COL4A4: variants seen among roughly 807,000 people sequenced by gnomAD.
COL4A4 encodes the protein collagen alpha-4(IV) chain.
A neutral mutation model predicts 192.9 loss-of-function variants in COL4A4; 105 were observed. The ratio of observed to expected loss-of-function variants is 0.54; its 90% CI spans 0.46 to 0.64. The LOEUF (loss-of-function observed/expected upper bound fraction) is 0.64, where lower values mean the gene tolerates loss of function less well. Among genes scored for constraint, COL4A4 ranks in the 30% least tolerant of loss-of-function variants. The probability of loss-of-function intolerance (pLI) is 0.00; values close to 1 mark genes in which losing one functional copy is unlikely to be tolerated. For missense variants in COL4A4, 1,967 were observed against 2,169.3 expected, an observed-to-expected ratio of 0.91 and a Z score of 1.85; for synonymous variants, 762 against 769.9, an observed-to-expected ratio of 0.99 and a Z score of 0.17.
the COL4A4 span, chr2:226,988,199 C>T: frequency 2.6e-6 from 2 of 767,040 alleles, no homozygotes; most frequent in African/African-American, 1.8e-5. Flanking sequence ...GTAATTAAAA[C>T]TTACCCAAAG....
chr2:227,037,794 A>G (rs1362966417), intron 37 of COL4A4, among the ~76,000 whole-genome samples: 1 of 152,042 alleles, frequency 6.6e-6, no homozygotes. Flanking sequence ...TGGCAATGAG[A>G]TGGTATCTCA....
At chr2:227,137,634 G>T (rs923552830) in intron 4 of COL4A4, among the ~76,000 whole-genome samples, 4 of 152,118 alleles carry the variant, frequency 2.6e-5, no homozygotes, top group African/African-American at 4.8e-5. Flanking sequence ...AGCACTTCTG[G>T]TCTCTACTTG....
At chr2:227,011,672 C>T (rs1963738739) in intron 45 of COL4A4, among the ~76,000 whole-genome samples, 1 of 152,224 alleles carries the variant, frequency 6.6e-6, no homozygotes, top group African/African-American at 2.4e-5. Flanking sequence ...CCTTTCCCAA[C>T]ACCACTTCCC....
intron 7 of COL4A4, among the ~76,000 whole-genome samples, chr2:227,117,074 G>A (rs1347329585): frequency 6.6e-6 from 1 of 152,110 alleles, no homozygotes; most frequent in Admixed American, 6.5e-5. Flanking sequence ...CATTTTAAAA[G>A]TCATGGGACA....
intron 37 of COL4A4, among the ~76,000 whole-genome samples, chr2:227,041,842 A>AGAGAGAG (rs1559477918): frequency 8.0e-5 from 5 of 62,756 alleles, no homozygotes; most frequent in African/African-American, 2.6e-4. Flanking sequence ...GAAAGAAAGA[A>AGAGAGAG]AGAAAGAGAA....
chr2:227,152,866 T>C (rs1248716064), intron 1 of COL4A4, among the ~76,000 whole-genome samples: 1 of 152,192 alleles, frequency 6.6e-6, no homozygotes, highest in Non-Finnish European at 1.5e-5. Flanking sequence ...TGTGTTTCTG[T>C]TCGAGTCTAT....
chr2:227,003,846 A>G lies in COL4A4; in HGVS notation c.*3479T>C, dbSNP rs1961514065. 6.6e-6 allele frequency: 1 copy of G among 152,168 alleles called. No individual in the cohort carries two copies. The highest frequency in any genetic ancestry group is 6.5e-5 in the Admixed American group (1 of 15,280). 9.4% of individuals were successfully genotyped at this position (152,168 alleles called of 1,614,324 possible). ...CTGTTTATAGAAAAAACAAAAATCT[A>G]TTTTTGGAGGGGTGTGATAAGCCCA... On this transcript the variant is annotated 3_prime_UTR_variant, in exon 48 of 48. Coordinates refer to ENST00000396625, the MANE Select transcript of COL4A4 (RefSeq NM_000092.5).
rs746105339 is a variant in COL4A4, at chr2:227,051,106, G to A, written c.3021C>T (p.Tyr1007=). ...MQGRRGEPGR[Y]GPPGFHRGEP... ...CCCCTCTGTGAAATCCAGGTGGTCC[G>A]TATCTTCCCGGCTCTCCTCTTCTCC... The change falls in exon 33 of 48, where the codon TAC becomes TAT. Residue 1007 remains tyrosine, a synonymous_variant. Transcript: ENST00000396625. The A allele has an allele frequency of 1.9e-5, 30 of 1,613,946 alleles. No homozygotes were observed. Among genetic ancestry groups the A allele is most frequent in the Middle Eastern group, 1.6e-4 (1 of 6,084 alleles).
At chr2:227,103,587 C>T (rs947093608) in intron 13 of COL4A4, among the ~76,000 whole-genome samples, 2 of 152,234 alleles carry the variant, frequency 1.3e-5, no homozygotes, top group African/African-American at 4.8e-5. Flanking sequence ...TGCCAAGAAT[C>T]TATTACGGCC....
the COL4A4 span, among the ~76,000 whole-genome samples, chr2:226,971,830 C>G: frequency 6.6e-6 from 1 of 151,274 alleles, no homozygotes; most frequent in Non-Finnish European, 1.5e-5. Flanking sequence ...ATCTTTGTGG[C>G]CTTTCTTCAA....
chr2:227,088,325 T>C (rs1419487975), intron 22 of COL4A4, among the ~76,000 whole-genome samples: 3 of 152,138 alleles, frequency 2.0e-5, no homozygotes, highest in African/African-American at 4.8e-5. Context: ...GGGAGGGACC[T>C]GGTAGAAGGT....
chr2:227,017,000 T>G (rs1287725307), intron 44 of COL4A4, among the ~76,000 whole-genome samples: 2 of 151,712 alleles, frequency 1.3e-5, no homozygotes, highest in East Asian at 3.9e-4. Context: ...TCCAAGAGAG[T>G]ATCAGTTATC....
Position 227,033,396 on chromosome 2 carries a change from G to T in COL4A4, c.3577+14C>A. On this transcript the variant is annotated intron_variant, in intron 38 of 47. Transcript: ENST00000396625. Reference sequence around the variant, plus strand: ...ACTGAAGCTCAGTCTGTTACGAATCGATTAGGTGCTTACCTGAAGCACCTT... The same window carrying T: ...ACTGAAGCTCAGTCTGTTACGAATCTATTAGGTGCTTACCTGAAGCACCTT... The T allele has an allele frequency of 1.2e-6, 2 of 1,602,616 alleles. No individual in the cohort carries two copies. Among genetic ancestry groups the T allele is most frequent in the African/African-American group, 1.3e-5 (1 of 74,810 alleles).
At chr2:227,090,234 A>G (rs2059841156) in intron 20 of COL4A4, among the ~76,000 whole-genome samples, 1 of 152,182 alleles carries the variant, frequency 6.6e-6, no homozygotes, top group African/African-American at 2.4e-5. Context: ...TTGCAAAACA[A>G]GATAATGGAC....
the COL4A4 span, among the ~76,000 whole-genome samples, chr2:226,982,687 C>T: frequency 6.6e-6 from 1 of 152,154 alleles, no homozygotes; most frequent in Non-Finnish European, 1.5e-5. Flanking sequence ...ATTTGTGTCT[C>T]GGGATTTGAG....
intron 20 of COL4A4, among the ~76,000 whole-genome samples, chr2:227,093,846 A>G (rs1285628357): frequency 6.6e-6 from 1 of 152,162 alleles, no homozygotes; most frequent in Non-Finnish European, 1.5e-5. Context: ...AACCAAGCCC[A>G]TATATAACTC....
Position 227,118,761 on chromosome 2 carries a change from C to T in COL4A4, c.373G>A (p.Gly125Arg). The change falls in exon 7 of 48, where the codon GGG becomes AGG. Residue 125 changes from glycine (G) to arginine (R), a missense_variant and splice_region_variant. Gly to Arg is a moderately radical substitution (Grantham distance 125). Transcript: ENST00000396625. ...CTGGGTCCAGGAGGCCCTGGGTGCCCCTGCAGAAAACAAAATTATAAGTGA... is the reference window on the plus strand; with the variant it reads ...CTGGGTCCAGGAGGCCCTGGGTGCCTCTGCAGAAAACAAAATTATAAGTGA... ...PGFPGLDGIP[G>R]HPGPPGPRGK... 1 of 1,610,982 alleles carries T rather than the reference C, an allele frequency of 6.2e-7. No individual in the cohort carries two copies. Among genetic ancestry groups the T allele is most frequent in the Non-Finnish European group, 8.5e-7 (1 of 1,178,186 alleles).
Position 227,007,414 on chromosome 2 carries a change from A to C in COL4A4, c.4984T>G (p.Ser1662Ala). The C allele has an allele frequency of 6.2e-7, 1 of 1,614,222 alleles. No homozygotes were observed. The highest frequency in any genetic ancestry group is 8.5e-7 in the Non-Finnish European group (1 of 1,180,046). Residue 1662 changes from serine to alanine, a missense_variant, in exon 48 of 48, where the codon TCC (serine) becomes GCC (alanine). By Grantham distance (99) the Ser-to-Ala change is moderately conservative. Coordinates refer to ENST00000396625, the MANE Select transcript of COL4A4 (RefSeq NM_000092.5). ...LTTVKADLQF[S>A]SAPAPDTLKE... ...AAGGTGTCTGGTGCTGGAGCAGAGG[A>C]AAACTGCAAGTCTGCTTTCACCGTT...
At chr2:227,102,740 A>G (rs1273224174) in intron 15 of COL4A4, 49 bp downstream of exon 15, 3 of 1,512,866 alleles carry the variant, frequency 2.0e-6, no homozygotes, top group South Asian at 1.1e-5. Context: ...AAAAACATGA[A>G]AGAGAAATAT....
Sources: allele counts gnomAD v4.1 joint callset (sites outside exome capture counted in the v4.1 genomes callset), GRCh38; gene constraint gnomAD v4.1.1; transcripts MANE v1.5; gene names NCBI Gene and HGNC (gene_info 2026-07-23, HGNC 2026-07-21).